Variants in HERC2 observed in about 807,000 individuals in gnomAD.
The protein encoded by HERC2 is HECT and RLD domain containing E3 ubiquitin protein ligase 2.
Under a neutral mutation model 537.7 loss-of-function variants are expected in HERC2, and 102 were observed. The observed-to-expected ratio is 0.19, with a 90% CI of 0.16 to 0.22. The LOEUF (loss-of-function observed/expected upper bound fraction) is 0.22, where lower values mean the gene tolerates loss of function less well. Among genes scored for constraint, HERC2 ranks in the 10% least tolerant of loss-of-function variants. HERC2 has a pLI of 1.00. For synonymous variants in HERC2, 2,224 were observed against 2,466.2 expected (o/e 0.90, Z 2.91); for missense variants, 4,236 against 6,198.2 (o/e 0.68, Z 10.63).
In HERC2 at chr15:28,177,395, T is replaced by C; in HGVS notation, c.9254+24A>G. 1 of 1,598,492 alleles carries C rather than the reference T, an allele frequency of 6.3e-7. No individual in the cohort carries two copies. Among genetic ancestry groups the C allele is most frequent in the Non-Finnish European group, 8.6e-7 (1 of 1,165,844 alleles). On this transcript the variant is annotated intron_variant, in intron 60 of 92. Transcript: ENST00000261609. The surrounding 1 kb of genome is among the most constrained non-coding windows in gnomAD (Gnocchi z 5.0). ...TCAGAAACAGTTTCTTATTAGCAAA[T>C]GAGACTAAAAAAAGTACCCTTACAT... is the stretch of plus-strand genomic sequence containing the variant.
At chr15:28,230,643 A>T (rs970914428) in intron 30 of HERC2, 143 bp from the exon 31 acceptor site, 44 of 590,928 alleles carry the variant, frequency 7.4e-5, no homozygotes, top group Non-Finnish European at 1.2e-4. Context: ...ATGCTCAACA[A>T]CAAGAGTGAA....
intron 30 of HERC2, among the ~76,000 whole-genome samples, chr15:28,232,912 T>C (rs928859190): frequency 6.6e-6 from 1 of 152,254 alleles, no homozygotes; most frequent in African/African-American, 2.4e-5. Context: ...CAACATCAAT[T>C]TACTAGTAAT....
In HERC2 at chr15:28,112,074, C is replaced by T. The variant is rs150976719; in HGVS notation, c.14233-39G>A. ...ACATGAAGTGATTAGAAATTGAGTA[C>T]GGCTGCAGTTTACTTTACTGTGCTC... On this transcript the variant is annotated intron_variant, in intron 92 of 92. Coordinates refer to ENST00000261609, the MANE Select transcript of HERC2 (RefSeq NM_004667.6). 6.9e-5 allele frequency: 110 copies of T among 1,596,144 alleles called. No homozygotes were observed. The Middle Eastern group carries it at 1.0e-3, about 15-fold the overall frequency.
chr15:28,201,735 C>G (rs1217407374), intron 47 of HERC2, among the ~76,000 whole-genome samples, 181 bp from the exon 48 acceptor site: 1 of 152,152 alleles, frequency 6.6e-6, no homozygotes, highest in Non-Finnish European at 1.5e-5. Flanking sequence ...GAATGAATCT[C>G]AAAAGCTACA....
intron 10 of HERC2, among the ~76,000 whole-genome samples, 163 bp downstream of exon 10, chr15:28,270,532 C>G (rs2075695158): frequency 6.6e-6 from 1 of 152,142 alleles, no homozygotes; most frequent in Admixed American, 6.5e-5. Flanking sequence ...ATCACTCACT[C>G]TCAACACGGA....
chr15:28,277,378 G>A (rs1042306002), intron 5 of HERC2, among the ~76,000 whole-genome samples: 5 of 151,444 alleles, frequency 3.3e-5, no homozygotes, highest in Admixed American at 3.3e-4. Flanking sequence ...GTCACAGTTT[G>A]CAACTGCCAT....
At chr15:28,319,250 C>T (rs547742191) in intron 2 of HERC2, among the ~76,000 whole-genome samples, 2 of 152,402 alleles carry the variant, frequency 1.3e-5, no homozygotes, top group African/African-American at 4.8e-5. Context: ...GCACACTATC[C>T]AAAACCTAGT....
chr15:28,259,456 A>G (rs1263407710), intron 16 of HERC2, among the ~76,000 whole-genome samples: 1 of 152,180 alleles, frequency 6.6e-6, no homozygotes, highest in Admixed American at 6.5e-5. Flanking sequence ...TAAAGAAGAA[A>G]TAACACTAAT....
chr15:28,159,881 T>G (rs1893398890), intron 69 of HERC2, among the ~76,000 whole-genome samples: 1 of 152,250 alleles, frequency 6.6e-6, no homozygotes, highest in African/African-American at 2.4e-5. Context: ...CTTTGGTCTT[T>G]GATGATGGTG....
At chr15:28,254,963 C>T (rs1217092756) in intron 19 of HERC2, among the ~76,000 whole-genome samples, 3 of 152,194 alleles carry the variant, frequency 2.0e-5, no homozygotes, top group African/African-American at 4.8e-5. Context: ...AAATTCCACT[C>T]CAAGTGTTTA....
At chr15:28,294,632 C>A (rs530918522) in intron 3 of HERC2, among the ~76,000 whole-genome samples, 3,169 of 151,518 alleles carry the variant, frequency 0.021, 109 homozygotes, top group African/African-American at 0.073. Context: ...TCATCCCTGC[C>A]GGCCCAGAGT....
rs2077247840 is a variant in HERC2 at position 28,322,124 on chromosome 15, C to G, written c.-81G>C. On this transcript the variant is annotated 5_prime_UTR_variant, in exon 1 of 93. Transcript: ENST00000261609. ...CGCCTCGCCGGCGCGCGGACGCAGC[C>G]TCCCAAGAGCCGCTGGCTCAGCCGG... 2.7e-5 allele frequency: 2 copies of G among 74,836 alleles called. No individual in the cohort carries two copies. The allele number at this position is 74,836 out of a possible 1,614,324, so 4.6% of individuals were successfully genotyped here.
chr15:28,255,943 GA>G lies in HERC2; in HGVS notation c.2799del (p.Leu934TrpfsTer5). On this transcript the variant is annotated frameshift_variant, in exon 19 of 93. Coordinates refer to ENST00000261609, the MANE Select transcript of HERC2 (RefSeq NM_004667.6). LOFTEE classifies it high-confidence loss of function. ...CCATCAGCCATCAAGCTGCCCACCAGAAGATCAATCATGAATCGACGACCTG... is the reference window on the plus strand; with the variant it reads ...CCATCAGCCATCAAGCTGCCCACCAGAGATCAATCATGAATCGACGACCTG... Reference protein sequence around the residue: ...ISPGRRFMIDLLVGSLMADGG... With the variant: ...ISPGRRFMIDXLVGSLMADGG... 1 of 1,605,854 alleles carries G rather than the reference GA, an allele frequency of 6.2e-7. No individual in the cohort carries two copies. Among genetic ancestry groups the G allele is most frequent in the Non-Finnish European group, 8.5e-7 (1 of 1,179,798 alleles).
chr15:28,127,716 T>A (rs1452474400), intron 83 of HERC2, among the ~76,000 whole-genome samples: 4 of 152,098 alleles, frequency 2.6e-5, no homozygotes, highest in Non-Finnish European at 4.4e-5. Flanking sequence ...GCTAATCATC[T>A]TCTTCTGCCA....
At chr15:28,295,319 G>T (rs1000452818) in intron 3 of HERC2, among the ~76,000 whole-genome samples, 1 of 96,134 alleles carries the variant, frequency 1.0e-5, no homozygotes, top group Non-Finnish European at 2.2e-5. Context: ...GGGGGGGGGG[G>T]AGTGGGGGGG....
At chr15:28,319,584 CAAAAAAAAA>C (rs1168038967) in intron 2 of HERC2, among the ~76,000 whole-genome samples, 1 of 58,258 alleles carries the variant, frequency 1.7e-5, no homozygotes, top group African/African-American at 5.3e-5. Context: ...GACTGCGTCT[CAAAAAAAAA>C]AAAAAAAAAA....
At chr15:28,301,449 T>C (rs1198626875) in intron 2 of HERC2, among the ~76,000 whole-genome samples, 1 of 151,274 alleles carries the variant, frequency 6.6e-6, no homozygotes, top group Non-Finnish European at 1.5e-5. Context: ...CAAAGACTGA[T>C]AGGGACTCCT....
In HERC2 at chr15:28,233,137, C is replaced by T. The variant is rs1902055952; in HGVS notation, c.4675+9G>A. 2 of 1,605,610 alleles carry T rather than the reference C, an allele frequency of 1.2e-6. No individual in the cohort carries two copies. The highest frequency in any genetic ancestry group is 2.2e-5 in the East Asian group (1 of 44,852). The stretch of plus-strand genomic sequence containing the variant: ...TTTAATAGTATCTTCTGTCCTTTTA[C>T]ATTCTTACCTCTCTTTTTCCTTCGT... On this transcript the variant is annotated intron_variant, in intron 30 of 92. Coordinates refer to ENST00000261609, the MANE Select transcript of HERC2 (RefSeq NM_004667.6).
chr15:28,158,408 A>T (rs1893233116), intron 69 of HERC2, among the ~76,000 whole-genome samples: 1 of 152,128 alleles, frequency 6.6e-6, no homozygotes, highest in Non-Finnish European at 1.5e-5. Flanking sequence ...TGCTTTATGA[A>T]TCTGGGTGCT....
Sources: allele counts gnomAD v4.1 joint callset (sites outside exome capture counted in the v4.1 genomes callset), GRCh38; gene constraint gnomAD v4.1.1; non-coding constraint Gnocchi (gnomAD v3.1); transcripts MANE v1.5; gene names NCBI Gene and HGNC (gene_info 2026-07-23, HGNC 2026-07-21).